Variants in PPP4R3B observed in about 807,000 individuals in gnomAD.
The protein encoded by PPP4R3B is serine/threonine-protein phosphatase 4 regulatory subunit 3B.
In PPP4R3B, 52 loss-of-function variants were observed where a neutral mutation model predicts 95.4. The ratio of observed to expected loss-of-function variants is 0.54; its 90% CI spans 0.44 to 0.69. The LOEUF is 0.69. PPP4R3B is among the 30% of genes least tolerant of loss of function. PPP4R3B has a pLI of 0.00. For synonymous variants in PPP4R3B, 407 were observed against 343.9 expected, an observed-to-expected ratio of 1.18 and a Z score of -2.03; for missense variants, 1,003 against 1,005.9, an observed-to-expected ratio of 1.00 and a Z score of 0.04.
At chr2:55,601,962 A>G (rs1692681144) in intron 3 of PPP4R3B, among the ~76,000 whole-genome samples, 1 of 152,162 alleles carries the variant, frequency 6.6e-6, no homozygotes, top group South Asian at 2.1e-4. Context: ...AGAAAAATGA[A>G]AGTCACTGGC....
chr2:55,592,162 A>G (rs762217506), intron 4 of PPP4R3B, among the ~76,000 whole-genome samples: 1 of 152,224 alleles, frequency 6.6e-6, no homozygotes, highest in Non-Finnish European at 1.5e-5. Flanking sequence ...AGAAACATAT[A>G]AACACAGAAA....
chr2:55,576,296 C>T (rs986918686), intron 11 of PPP4R3B, among the ~76,000 whole-genome samples: 4 of 151,932 alleles, frequency 2.6e-5, no homozygotes, highest in Non-Finnish European at 4.4e-5. Flanking sequence ...TGCAGTGAGC[C>T]GAAATTGTGC....
intron 4 of PPP4R3B, among the ~76,000 whole-genome samples, chr2:55,592,051 A>T (rs1324970965): frequency 6.6e-6 from 1 of 151,964 alleles, no homozygotes; most frequent in African/African-American, 2.4e-5. Context: ...CACTGTGGGG[A>T]AAAAAAGAGG....
chr2:55,578,271 T>A lies in PPP4R3B; in HGVS notation c.1540A>T (p.Thr514Ser). Reference sequence around the variant, plus strand: ...CCTTGAGAGATGGAGGAAGAGGGGGTAGAATGGGAATGGGAATGTGAAGGG... The same window carrying A: ...CCTTGAGAGATGGAGGAAGAGGGGGAAGAATGGGAATGGGAATGTGAAGGG... ...CTPSHSHSHS[T>S]PSSSISQDNI... Residue 514 changes from threonine (T) to serine (S), a missense_variant, in exon 10 of 17, where the codon ACC becomes TCC. Coordinates refer to ENST00000616407, the MANE Select transcript of PPP4R3B (RefSeq NM_001122964.3). The A allele has an allele frequency of 6.8e-7, 1 of 1,475,162 alleles. No individual in the cohort carries two copies. The highest frequency in any genetic ancestry group is 1.4e-5 in the African/African-American group (1 of 70,124). 91.4% of individuals were successfully genotyped at this position (1,475,162 alleles called of 1,614,324 possible). A position where few individuals can be genotyped will look rare whatever the true frequency, so the allele number is the denominator to read the frequency against.
At chr2:55,579,173 A>G (rs1003323102) in intron 9 of PPP4R3B, among the ~76,000 whole-genome samples, 5 of 152,122 alleles carry the variant, frequency 3.3e-5, no homozygotes, top group African/African-American at 1.2e-4. Flanking sequence ...ACGGGTGCCG[A>G]TTACATAAGA....
chr2:55,550,912 T>C lies in PPP4R3B; in HGVS notation c.2455-906A>G, dbSNP rs1322211880. ...GTTATCAGAAAGACTTATATACCTG[T>C]CTGAGAATCTGTTTCTCAACTTAAT... On this transcript the variant is annotated intron_variant, in intron 16 of 16. Transcript: ENST00000616407. Among the ~76,000 whole-genome samples the C allele has an allele frequency of 2.0e-5, 3 of 152,166 alleles. No individual in the cohort carries two copies. In the East Asian group the frequency reaches 5.8e-4, roughly 29 times the overall value.
chr2:55,558,843 G>T lies in PPP4R3B; in HGVS notation c.2386C>A (p.Pro796Thr). 2 of 1,613,636 alleles carry T rather than the reference G, an allele frequency of 1.2e-6. No homozygotes were observed. The highest frequency in any genetic ancestry group is 8.5e-7 in the Non-Finnish European group (1 of 1,179,712). ...TNSKSVVAQI[P>T]PATSNGSSSK... is the part of the protein sequence containing the mutation. Reference sequence around the variant, plus strand: ...GAGGATCCATTAGAAGTTGCTGGTGGTATCTGAGCCACTACAGATTTACTG... The same window carrying T: ...GAGGATCCATTAGAAGTTGCTGGTGTTATCTGAGCCACTACAGATTTACTG... Residue 796 changes from proline (P) to threonine (T), a missense_variant, in exon 16 of 17, where the codon CCA (proline) becomes ACA (threonine). Pro to Thr is a conservative substitution (Grantham distance 38). This residue lies in a region of PPP4R3B where 229 missense variants were observed against 194.7 expected (regional missense o/e 1.18). Transcript: ENST00000616407.
intron 7 of PPP4R3B, among the ~76,000 whole-genome samples, chr2:55,582,819 A>C (rs1370053616): frequency 6.6e-6 from 1 of 152,174 alleles, no homozygotes; most frequent in Non-Finnish European, 1.5e-5. Flanking sequence ...TAAATGAGAA[A>C]ACACCTAACA....
chr2:55,583,937 G>A (rs1158939567), intron 7 of PPP4R3B, among the ~76,000 whole-genome samples: 1 of 152,152 alleles, frequency 6.6e-6, no homozygotes, highest in Admixed American at 6.5e-5. Context: ...CGCACATGGT[G>A]GCTCATGCCT....
At chr2:55,597,461 A>G (rs1458778550) in intron 4 of PPP4R3B, among the ~76,000 whole-genome samples, 1 of 152,234 alleles carries the variant, frequency 6.6e-6, no homozygotes, top group African/African-American at 2.4e-5. Flanking sequence ...TCTCTACTAA[A>G]AACACAAAAA....
At position 55,577,344 on chromosome 2, in the gene PPP4R3B, C is replaced by G. The variant is rs1688821484; in HGVS notation, c.1577G>C (p.Gly526Ala). ...SSSISQDNIV[G>A]SNKNNTICPD... ...ACAAATTGTGTTGTTTTTGTTTGAT[C>G]CAACTATATTATCTAATAAAAAAAT... Residue 526 changes from glycine to alanine, a missense_variant, in exon 11 of 17, where the codon GGA becomes GCA. Physicochemically the swap from Gly to Ala is moderately conservative, Grantham distance 60. Coordinates refer to ENST00000616407, the MANE Select transcript of PPP4R3B (RefSeq NM_001122964.3). 6.5e-7 allele frequency: 1 copy of G among 1,537,118 alleles called. No homozygotes were observed. Among genetic ancestry groups the G allele is most frequent in the African/African-American group, 1.4e-5 (1 of 70,932 alleles).
intron 4 of PPP4R3B, among the ~76,000 whole-genome samples, chr2:55,593,410 T>C (rs1240457212): frequency 6.6e-6 from 1 of 152,206 alleles, no homozygotes; most frequent in African/African-American, 2.4e-5. Context: ...ACCTTCGTAC[T>C]ACCTCACTTC....
intron 13 of PPP4R3B, among the ~76,000 whole-genome samples, chr2:55,567,782 C>T (rs977361103): frequency 2.0e-5 from 3 of 152,116 alleles, no homozygotes; most frequent in African/African-American, 4.8e-5. Context: ...AAAATATCAC[C>T]TTTTCCTAAA....
intron 13 of PPP4R3B, chr2:55,567,981 A>G (rs1458796175): frequency 3.6e-6 from 1 of 279,838 alleles, no homozygotes; most frequent in African/African-American, 2.2e-5. Flanking sequence ...TCAAAAGTAA[A>G]AACCACTAAA....
chr2:55,568,322 C>A lies in PPP4R3B; in HGVS notation c.1807G>T (p.Glu603Ter). The change falls in exon 13 of 17, where the codon GAA becomes TAA. Residue 603 changes from glutamate (E) to a stop codon, truncating the protein, a stop_gained. Coordinates refer to ENST00000616407, the MANE Select transcript of PPP4R3B (RefSeq NM_001122964.3). LOFTEE classifies it high-confidence loss of function. ...TTGGTGATGTAACGATTATAAAATT[C>A]ATCTTTAAGTCCAATTATCCGCCTC... ...FMRRIIGLKD[E>*]FYNRYITKGN... is the part of the protein sequence containing the mutation. The A allele has an allele frequency of 6.2e-7, 1 of 1,606,764 alleles. No individual in the cohort carries two copies. The highest frequency in any genetic ancestry group is 1.3e-5 in the African/African-American group (1 of 74,796).
chr2:55,598,516 T>C lies in PPP4R3B; in HGVS notation c.821A>G (p.Asp274Gly). Reference sequence around the variant, plus strand: ...AACAGATGGTGTGGGCAAAATGATGTCCTGAATGTACTGTACCCTGTAAGT... The same window carrying C: ...AACAGATGGTGTGGGCAAAATGATGCCCTGAATGTACTGTACCCTGTAAGT... ...HQTYRVQYIQ[D>G]IILPTPSVFE... Residue 274 changes from aspartate (D) to glycine (G), a missense_variant, in exon 4 of 17, where the codon GAC becomes GGC. Around this residue, in one of 3 missense-constraint regions of PPP4R3B, gnomAD observed 695 missense variants for 686.2 expected, o/e 1.01. Coordinates refer to ENST00000616407, the MANE Select transcript of PPP4R3B (RefSeq NM_001122964.3). 1 of 1,614,206 alleles carries C rather than the reference T, an allele frequency of 6.2e-7. No homozygotes were observed. The highest frequency in any genetic ancestry group is 8.5e-7 in the Non-Finnish European group (1 of 1,180,036).
chr2:55,551,734 A>C (rs1431283967), intron 16 of PPP4R3B, among the ~76,000 whole-genome samples: 3 of 151,744 alleles, frequency 2.0e-5, no homozygotes, highest in Non-Finnish European at 4.4e-5. Context: ...CTGGGCAACA[A>C]GAGCAAGACT....
Position 55,587,203 on chromosome 2 carries a change from TG to T in PPP4R3B, c.1000-470del, listed in dbSNP as rs1690263137. On this transcript the variant is annotated intron_variant, in intron 5 of 16. Transcript: ENST00000616407. ...GGATTTGCCTATTGGTCTATTAGTATGCAAAAATGCAAGATATACTTTTAAT... is the reference window on the plus strand; with the variant it reads ...GGATTTGCCTATTGGTCTATTAGTATCAAAAATGCAAGATATACTTTTAAT... Among the ~76,000 whole-genome samples the T allele has an allele frequency of 2.0e-5, 3 of 152,360 alleles. No individual in the cohort carries two copies. In the South Asian group the frequency reaches 6.2e-4, roughly 32 times the overall value.
At chr2:55,571,391 T>A (rs138728833) in intron 12 of PPP4R3B, among the ~76,000 whole-genome samples, 20 of 152,260 alleles carry the variant, frequency 1.3e-4, no homozygotes, top group African/African-American at 4.6e-4. Flanking sequence ...TACTATTTAA[T>A]GAGCCAAATA....
Sources: allele counts gnomAD v4.1 joint callset (sites outside exome capture counted in the v4.1 genomes callset), GRCh38; gene constraint gnomAD v4.1.1; regional missense constraint gnomAD v4.1.1; transcripts MANE v1.5; gene names NCBI Gene and HGNC (gene_info 2026-07-23, HGNC 2026-07-21).